Variants in LRMDA observed in about 807,000 individuals in gnomAD.
The protein encoded by LRMDA is leucine-rich melanocyte differentiation-associated protein.
In LRMDA, 18 loss-of-function variants were observed where a neutral mutation model predicts 29.8. That is an observed-to-expected ratio of 0.60 (90% CI 0.42 to 0.90). The LOEUF (loss-of-function observed/expected upper bound fraction) is 0.90. Among genes scored for constraint, LRMDA ranks in the 40% least tolerant of loss-of-function variants. LRMDA has a pLI of 0.00. For synonymous variants in LRMDA, 125 were observed against 109.4 expected, an observed-to-expected ratio of 1.14 and a Z score of -0.89; for missense variants, 273 against 273.9, an observed-to-expected ratio of 1.00 and a Z score of 0.02.
intron 5 of LRMDA, among the ~76,000 whole-genome samples, chr10:76,094,808 A>G (rs1849288996): frequency 6.6e-6 from 1 of 152,198 alleles, no homozygotes; most frequent in African/African-American, 2.4e-5. Context: ...TCCATATTTT[A>G]CACATATTTC....
At chr10:76,027,707 GATTAAA>G (rs1244677053) in intron 2 of LRMDA, among the ~76,000 whole-genome samples, 13 of 152,308 alleles carry the variant, frequency 8.5e-5, no homozygotes, top group Non-Finnish European at 1.5e-4. Context: ...GCTTGGTGCA[GATTAAA>G]ATTTGTGTGG....
At position 76,041,848 on chromosome 10, in the gene LRMDA, A is replaced by T. The variant is rs185917594; in HGVS notation, c.259-5316A>T. On this transcript the variant is annotated intron_variant, in intron 3 of 6. Transcript: ENST00000611255. Reference sequence around the variant, plus strand: ...ACCCCGGAGAAGACTTGATAAGGGAAACCAGGTGTGTGCCGGGAACCCAGC... The same window carrying T: ...ACCCCGGAGAAGACTTGATAAGGGATACCAGGTGTGTGCCGGGAACCCAGC... 1.9e-3 allele frequency among the ~76,000 whole-genome samples: 284 copies of T among 152,284 alleles called. 1 individual carries two copies. The highest frequency in any genetic ancestry group is 3.0e-3 in the Non-Finnish European group (206 of 68,020).
chr10:75,725,500 C>A (rs147457702), intron 2 of LRMDA, among the ~76,000 whole-genome samples: 1 of 152,200 alleles, frequency 6.6e-6, no homozygotes, highest in Admixed American at 6.5e-5. Flanking sequence ...TTTTATGAAT[C>A]GTCAAACTTC....
At chr10:75,933,891 T>G (rs754803293) in intron 2 of LRMDA, among the ~76,000 whole-genome samples, 2 of 152,196 alleles carry the variant, frequency 1.3e-5, no homozygotes, top group Non-Finnish European at 2.9e-5. Context: ...CCCTCCTAGT[T>G]GCTCACTCTT....
intron 2 of LRMDA, among the ~76,000 whole-genome samples, chr10:75,506,155 C>A (rs901864186): frequency 6.6e-6 from 1 of 151,880 alleles, no homozygotes; most frequent in African/African-American, 2.4e-5. Context: ...TCCCACTAAT[C>A]CTGTCCTGCT....
intron 6 of LRMDA, among the ~76,000 whole-genome samples, chr10:76,463,072 T>C (rs1286793231): frequency 6.6e-6 from 1 of 152,140 alleles, no homozygotes; most frequent in Admixed American, 6.5e-5. Context: ...TCTGGTGGCA[T>C]TTTGCTAGAC....
intron 6 of LRMDA, among the ~76,000 whole-genome samples, chr10:76,356,441 A>G (rs935218317): frequency 1.3e-5 from 2 of 152,176 alleles, no homozygotes; most frequent in African/African-American, 4.8e-5. Context: ...TGTTTCTGCC[A>G]CCCATGTGAC....
intron 6 of LRMDA, among the ~76,000 whole-genome samples, chr10:76,348,972 G>A (rs370012324): frequency 1.8e-4 from 27 of 152,300 alleles, no homozygotes; most frequent in African/African-American, 4.8e-4. Context: ...CACAGGAGCC[G>A]TGTTGAGGAG....
intron 2 of LRMDA, among the ~76,000 whole-genome samples, chr10:75,886,339 A>C (rs901498628): frequency 3.3e-4 from 50 of 152,356 alleles, no homozygotes; most frequent in African/African-American, 1.1e-3. Flanking sequence ...AATGAATTGC[A>C]CATGGTGTAT....
intron 2 of LRMDA, among the ~76,000 whole-genome samples, chr10:75,516,955 G>T (rs2195629): frequency 7.2e-5 from 11 of 151,824 alleles, no homozygotes; most frequent in Admixed American, 7.2e-4. Context: ...ATGAAATAGG[G>T]AATCGTTTCC....
intron 6 of LRMDA, among the ~76,000 whole-genome samples, chr10:76,549,719 A>G (rs984051249): frequency 6.6e-5 from 10 of 152,226 alleles, no homozygotes; most frequent in African/African-American, 2.4e-4. Flanking sequence ...AGAAATAATC[A>G]ACCTGGGAAA....
intron 5 of LRMDA, among the ~76,000 whole-genome samples, chr10:76,116,487 A>G (rs1040756900): frequency 6.6e-6 from 1 of 152,154 alleles, no homozygotes; most frequent in Non-Finnish European, 1.5e-5. Flanking sequence ...CCGGTTTCAT[A>G]TACTAAACCC....
chr10:76,146,959 G>A (rs1282660702), intron 5 of LRMDA, among the ~76,000 whole-genome samples: 2 of 152,142 alleles, frequency 1.3e-5, no homozygotes, highest in African/African-American at 4.8e-5. Context: ...TAGTTTGGCA[G>A]GATATGAAAT....
intron 2 of LRMDA, among the ~76,000 whole-genome samples, chr10:75,533,795 A>G (rs1319982650): frequency 1.3e-5 from 2 of 152,176 alleles, no homozygotes; most frequent in Non-Finnish European, 2.9e-5. Context: ...GAGAGAGTCA[A>G]CGATATTCCA....
At chr10:75,818,503 G>T (rs1040990987) in intron 2 of LRMDA, among the ~76,000 whole-genome samples, 10 of 152,178 alleles carry the variant, frequency 6.6e-5, no homozygotes, top group African/African-American at 2.4e-4. Flanking sequence ...AGAGAGATGA[G>T]ATCTTATTTG....
intron 5 of LRMDA, among the ~76,000 whole-genome samples, chr10:76,235,401 C>T (rs1389225170): frequency 4.6e-5 from 7 of 152,086 alleles, no homozygotes; most frequent in African/African-American, 1.4e-4. Flanking sequence ...AACCCAGAGA[C>T]GTAAGATAAG....
chr10:76,010,838 C>G (rs530593949), intron 2 of LRMDA, among the ~76,000 whole-genome samples: 92 of 152,378 alleles, frequency 6.0e-4, no homozygotes, highest in Non-Finnish European at 1.0e-3. Context: ...TGGCCTGTCT[C>G]AGGCCCTCTG....
At chr10:75,871,675 A>T (rs1206815097) in intron 2 of LRMDA, among the ~76,000 whole-genome samples, 1 of 152,188 alleles carries the variant, frequency 6.6e-6, no homozygotes, top group South Asian at 2.1e-4. Flanking sequence ...GACACAGACC[A>T]GTCTTCTAAA....
intron 2 of LRMDA, among the ~76,000 whole-genome samples, chr10:76,004,714 CCTTTT>C (rs1345227769): frequency 6.6e-6 from 1 of 151,198 alleles, no homozygotes; most frequent in Non-Finnish European, 1.5e-5. Flanking sequence ...GGAGGTATGT[CCTTTT>C]CTTTTAATTT....
Sources: allele counts gnomAD v4.1 joint callset (sites outside exome capture counted in the v4.1 genomes callset), GRCh38; gene constraint gnomAD v4.1.1; transcripts MANE v1.5; gene names NCBI Gene and HGNC (gene_info 2026-07-23, HGNC 2026-07-21).